The following PLA2G6 variants were observed in gnomAD, a reference collection of about 807,000 sequenced individuals.
PLA2G6 encodes phospholipase A2 group VI.
A neutral mutation model predicts 83.8 loss-of-function variants in PLA2G6; 62 were observed. The observed-to-expected ratio is 0.74, with a 90% CI of 0.60 to 0.91. The LOEUF (loss-of-function observed/expected upper bound fraction) is 0.91, where lower values mean the gene tolerates loss of function less well. Among genes scored for constraint, PLA2G6 ranks in the 40% least tolerant of loss-of-function variants. The pLI, the probability that PLA2G6 is intolerant of heterozygous loss-of-function variation, is 0.00. For missense variants in PLA2G6, 944 were observed against 1,102.0 expected (o/e 0.86, Z 2.03); for synonymous variants, 417 against 449.8 (o/e 0.93, Z 0.92).
Position 38,112,593 on chromosome 22 carries a change from C to T in PLA2G6, c.2203-16G>A, listed in dbSNP as rs1233798337. The T allele has an allele frequency of 1.0e-5, 16 of 1,547,708 alleles. No homozygotes were observed. The highest frequency in any genetic ancestry group is 1.4e-5 in the Non-Finnish European group (16 of 1,145,868). ...GATCCGTGCACTGGTGAGAAGCAGC[C>T]TTGGTGAGTGCCGGGCCCACACCCC... On this transcript the variant is annotated splice_polypyrimidine_tract_variant and intron_variant, in intron 15 of 16. Transcript: ENST00000332509.
chr22:38,120,929 A>G lies in PLA2G6; in HGVS notation c.1592-20T>C. 1 of 1,612,262 alleles carries G rather than the reference A, an allele frequency of 6.2e-7. No individual in the cohort carries two copies. Among genetic ancestry groups the G allele is most frequent in the Non-Finnish European group, 8.5e-7 (1 of 1,179,900 alleles). On this transcript the variant is annotated intron_variant, in intron 11 of 16. Transcript: ENST00000332509. Reference sequence around the variant, plus strand: ...ACTTACCTAGGAACAAAGGGGTCAGAGGCGGGGAGATGCAGCGGCCACACG... The same window carrying G: ...ACTTACCTAGGAACAAAGGGGTCAGGGGCGGGGAGATGCAGCGGCCACACG...
chr22:38,167,123 G>A (rs1463187303), intron 2 of PLA2G6, among the ~76,000 whole-genome samples: 2 of 151,694 alleles, frequency 1.3e-5, no homozygotes, highest in Non-Finnish European at 2.9e-5. Context: ...AGCTACTTGG[G>A]AGGCTGAGGC....
At chr22:38,113,819 T>C in intron 14 of PLA2G6, 165 bp from the exon 15 acceptor site, 1 of 724,252 alleles carries the variant, frequency 1.4e-6, no homozygotes, top group Middle Eastern at 2.3e-4. Context: ...AGCCAGCCTC[T>C]TGCACGTGAC....
At chr22:38,177,784 C>T (rs1602301140) in intron 1 of PLA2G6, among the ~76,000 whole-genome samples, 1 of 152,066 alleles carries the variant, frequency 6.6e-6, no homozygotes, top group East Asian at 1.9e-4. Flanking sequence ...ATTTAACCCT[C>T]CAAACACCTG....
At chr22:38,129,367 A>G (rs147116246) in intron 8 of PLA2G6, 87 bp downstream of exon 8, 38 of 926,728 alleles carry the variant, frequency 4.1e-5, no homozygotes, top group Non-Finnish European at 5.5e-5. Flanking sequence ...GGATGCTGGC[A>G]CCTGATGCCT....
chr22:38,123,732 G>C lies in PLA2G6; in HGVS notation c.1428-474C>G, dbSNP rs2087665036. Among the ~76,000 whole-genome samples the C allele has an allele frequency of 6.6e-6, 1 of 152,152 alleles. No individual in the cohort carries two copies. Among genetic ancestry groups the C allele is most frequent in the African/African-American group, 2.4e-5 (1 of 41,434 alleles). On this transcript the variant is annotated intron_variant, in intron 10 of 16. Coordinates refer to ENST00000332509, the MANE Select transcript of PLA2G6 (RefSeq NM_003560.4). This position sits in a 1 kb window ranked among gnomAD's most constrained non-coding sequence, Gnocchi z 4.1. Reference sequence around the variant, plus strand: ...GAAGAAGCAGGGGAGGAGGGGGCAGGGAGGAAGGGAGAGGTTCATGCCAGG... The same window carrying C: ...GAAGAAGCAGGGGAGGAGGGGGCAGCGAGGAAGGGAGAGGTTCATGCCAGG...
At chr22:38,133,144 G>T in intron 6 of PLA2G6, 131 bp from the exon 7 acceptor site, 1 of 856,284 alleles carries the variant, frequency 1.2e-6, no homozygotes, top group Non-Finnish European at 1.9e-6. Context: ...CTAGCAAGAG[G>T]ATTCCAGGGG....
Position 38,112,622 on chromosome 22 carries a change from C to T in PLA2G6, c.2203-45G>A, listed in dbSNP as rs538664051. On this transcript the variant is annotated intron_variant, in intron 15 of 16. Transcript: ENST00000332509. Reference sequence around the variant, plus strand: ...GTGAGTGCCGGGCCCACACCCCGCCCGGCCCGCACCCCGCCCGGCCCTGCC... The same window carrying T: ...GTGAGTGCCGGGCCCACACCCCGCCTGGCCCGCACCCCGCCCGGCCCTGCC... 737 of 1,485,358 alleles carry T rather than the reference C, an allele frequency of 5.0e-4. 8 individuals carry two copies. The South Asian group carries it at 5.8e-3, about 12-fold the overall frequency. 92.0% of individuals were successfully genotyped at this position (1,485,358 alleles called of 1,614,324 possible).
intron 2 of PLA2G6, chr22:38,148,390 GTGAAAC>G: frequency 1.5e-6 from 1 of 658,760 alleles, no homozygotes; most frequent in Non-Finnish European, 2.7e-6. Context: ...ACTAGGGAAT[GTGAAAC>G]AGACCACCTA....
chr22:38,121,009 G>A, intron 11 of PLA2G6, 100 bp from the exon 12 acceptor site: 1 of 1,451,944 alleles, frequency 6.9e-7, no homozygotes, highest in South Asian at 1.2e-5. Context: ...GTGGCAGGAG[G>A]AAGCGGGTTT....
chr22:38,176,368 G>T (rs1450646025), intron 1 of PLA2G6, among the ~76,000 whole-genome samples: 1 of 152,186 alleles, frequency 6.6e-6, no homozygotes, highest in Non-Finnish European at 1.5e-5. Flanking sequence ...GACCTCACAG[G>T]CTTGGCCACG....
chr22:38,160,585 G>T (rs928308168), intron 2 of PLA2G6, among the ~76,000 whole-genome samples: 1 of 152,184 alleles, frequency 6.6e-6, no homozygotes, highest in Non-Finnish European at 1.5e-5. Context: ...GGTGGCTCAC[G>T]CCTGTAATCC....
At position 38,128,384 on chromosome 22, in the gene PLA2G6, G is replaced by A. The variant is rs775239333; in HGVS notation, c.1233C>T (p.Ala411=). The A allele has an allele frequency of 1.6e-5, 26 of 1,614,030 alleles. No homozygotes were observed. The highest frequency in any genetic ancestry group is 3.3e-5 in the South Asian group (3 of 91,074). The stretch of plus-strand genomic sequence containing the variant: ...CGTGGATGGGTGGGAAGCAGTATTC[G>A]GCCCCCACGGTTCTCAGCAGAGTCA... ...AILTLLRTVG[A]EYCFPPIHGV... is the part of the protein sequence containing the mutation. The change falls in exon 9 of 17, where the codon GCC becomes GCT. Residue 411 remains alanine, a synonymous_variant. Transcript: ENST00000332509. The surrounding 1 kb of genome is among the most constrained non-coding windows in gnomAD (Gnocchi z 4.4).
chr22:38,123,815 G>C lies in PLA2G6; in HGVS notation c.1428-557C>G, dbSNP rs1052357203. On this transcript the variant is annotated intron_variant, in intron 10 of 16. Transcript: ENST00000332509. The surrounding 1 kb of genome is among the most constrained non-coding windows in gnomAD (Gnocchi z 4.1). ...ATGTCATTGTCCCAAACGCCTCTGA[G>C]GCAGACCCTCCCTGACATCCCTGTG... 1.2e-4 allele frequency among the ~76,000 whole-genome samples: 18 copies of C among 152,118 alleles called. No homozygotes were observed. The highest frequency in any genetic ancestry group is 6.6e-4 in the Admixed American group (10 of 15,258).
At position 38,128,777 on chromosome 22, in the gene PLA2G6, G is replaced by A. The variant is rs1424851672; in HGVS notation, c.1187-347C>T. On this transcript the variant is annotated intron_variant, in intron 8 of 16. Transcript: ENST00000332509. The surrounding 1 kb of genome is among the most constrained non-coding windows in gnomAD (Gnocchi z 4.4). Reference sequence around the variant, plus strand: ...TCAAAAATGCTAAGTGATAGTTCAGGGTTCCAAAGGGACTAATGAGCCAGC... The same window carrying A: ...TCAAAAATGCTAAGTGATAGTTCAGAGTTCCAAAGGGACTAATGAGCCAGC... Among the ~76,000 whole-genome samples, 4 of 152,374 alleles carry A rather than the reference G, an allele frequency of 2.6e-5. No homozygotes were observed. Among genetic ancestry groups the A allele is most frequent in the Non-Finnish European group, 5.9e-5 (4 of 68,038 alleles).
chr22:38,136,919 C>A (rs2088590325), intron 5 of PLA2G6: 1 of 152,156 alleles, frequency 6.6e-6, no homozygotes, highest in Admixed American at 6.6e-5. Flanking sequence ...GTCACCCAGG[C>A]TGGAGGGCAA....
intron 2 of PLA2G6, chr22:38,148,972 T>C (rs1320541362): frequency 4.3e-5 from 7 of 163,292 alleles, no homozygotes; most frequent in African/African-American, 1.2e-4. Flanking sequence ...TTCAAGTGAT[T>C]CTCCTGCCTC....
chr22:38,167,458 C>T (rs913158889), intron 2 of PLA2G6, among the ~76,000 whole-genome samples: 5 of 152,032 alleles, frequency 3.3e-5, no homozygotes, highest in African/African-American at 1.2e-4. Context: ...TCCCCAGGGC[C>T]GTGTACCTCA....
chr22:38,145,375 C>T, intron 3 of PLA2G6, 63 bp downstream of exon 3: 4 of 1,349,474 alleles, frequency 3.0e-6, no homozygotes, highest in Non-Finnish European at 4.2e-6. Flanking sequence ...AGGCCTGCGG[C>T]CCCCACTGCC....
Sources: allele counts gnomAD v4.1 joint callset (sites outside exome capture counted in the v4.1 genomes callset), GRCh38; gene constraint gnomAD v4.1.1; non-coding constraint Gnocchi (gnomAD v3.1); transcripts MANE v1.5; gene names NCBI Gene and HGNC (gene_info 2026-07-23, HGNC 2026-07-21).